OR4D2: variants seen among roughly 807,000 people sequenced by gnomAD.
The protein encoded by OR4D2 is olfactory receptor family 4 subfamily D member 2.
In OR4D2, 9 loss-of-function variants were observed where a neutral mutation model predicts 12.4. The ratio of observed to expected loss-of-function variants is 0.73; its 90% confidence interval spans 0.44 to 1.27. The LOEUF is 1.27. Ranked by LOEUF, OR4D2 falls within the 50% of genes most tolerant of loss-of-function variation. The pLI, the probability that OR4D2 is intolerant of heterozygous loss-of-function variation, is 0.00. For missense variants in OR4D2, 373 were observed against 381.6 expected, an observed-to-expected ratio of 0.98 and a Z score of 0.19; for synonymous variants, 151 against 151.1, an observed-to-expected ratio of 1.00 and a Z score of 0.01.
rs374829570 is a variant in OR4D2, at chr17:58,169,721, G to T, written c.66G>T (p.Glu22Asp). The T allele has an allele frequency of 1.9e-6, 3 of 1,613,986 alleles. No individual in the cohort carries two copies. The African/African-American group carries it at 4.0e-5, about 22-fold the overall frequency. ...TCCTGGGGCTCTCGCAGACTCGGGAGCTCCAGCGTTTCCTGTTTCTAATGT... is the reference window on the plus strand; with the variant it reads ...TCCTGGGGCTCTCGCAGACTCGGGATCTCCAGCGTTTCCTGTTTCTAATGT... ...FVFLGLSQTRELQRFLFLMFL... is the reference protein window; with the variant it reads ...FVFLGLSQTRDLQRFLFLMFL... Residue 22 changes from glutamate to aspartate, a missense_variant, in exon 2 of 2, where the codon GAG becomes GAT. Coordinates refer to ENST00000545221, the MANE Select transcript of OR4D2 (RefSeq NM_001004707.4).
chr17:58,169,750 T>C lies in OR4D2; in HGVS notation c.95T>C (p.Leu32Pro), dbSNP rs369228856. ...CAGCGTTTCCTGTTTCTAATGTTCCTGTTTGTCTACATCACCACTGTTATG... is the reference window on the plus strand; with the variant it reads ...CAGCGTTTCCTGTTTCTAATGTTCCCGTTTGTCTACATCACCACTGTTATG... ...ELQRFLFLMF[L>P]FVYITTVMGN... Residue 32 changes from leucine to proline, a missense_variant, in exon 2 of 2, where the codon CTG (leucine) becomes CCG (proline). Physicochemically the swap from Leu to Pro is moderately conservative, Grantham distance 98. Coordinates refer to ENST00000545221, the MANE Select transcript of OR4D2 (RefSeq NM_001004707.4). 19 of 1,613,996 alleles carry C rather than the reference T, an allele frequency of 1.2e-5. No individual in the cohort carries two copies. Among genetic ancestry groups the C allele is most frequent in the Non-Finnish European group, 1.4e-5 (16 of 1,179,960 alleles).
At chr17:58,169,114 G>A (rs1043533824) in intron 1 of OR4D2, among the ~76,000 whole-genome samples, 1 of 152,174 alleles carries the variant, frequency 6.6e-6, no homozygotes, top group Non-Finnish European at 1.5e-5. Context: ...AATTGGCAAA[G>A]AATCTTATTA....
Position 58,170,547 on chromosome 17 carries a change from G to A in OR4D2, c.892G>A (p.Val298Met), listed in dbSNP as rs150879874. 70 of 1,614,096 alleles carry A rather than the reference G, an allele frequency of 4.3e-5. No homozygotes were observed. Among genetic ancestry groups the A allele is most frequent in the Non-Finnish European group, 5.6e-5 (66 of 1,180,036 alleles). The part of the protein sequence containing the change: ...TLRNQDMQAA[V>M]RRLGRHRLV ...GAGGAACCAGGACATGCAGGCAGCA[G>A]TGAGAAGATTAGGGAGACACCGGCT... Residue 298 changes from valine to methionine, a missense_variant, in exon 2 of 2, where the codon GTG becomes ATG. By Grantham distance (21) the Val-to-Met change is conservative. Coordinates refer to ENST00000545221, the MANE Select transcript of OR4D2 (RefSeq NM_001004707.4).
chr17:58,169,808 T>C lies in OR4D2; in HGVS notation c.153T>C (p.Ser51=), dbSNP rs749683094. 1.9e-6 allele frequency: 3 copies of C among 1,614,202 alleles called. No homozygotes were observed. Among genetic ancestry groups the C allele is most frequent in the Non-Finnish European group, 2.5e-6 (3 of 1,180,032 alleles). Reference sequence around the variant, plus strand: ...TCCTTATCATCATCACAGTGACCTCTGATTCCCAGCTCCACACACCCATGT... The same window carrying C: ...TCCTTATCATCATCACAGTGACCTCCGATTCCCAGCTCCACACACCCATGT... ...GNILIIITVT[S]DSQLHTPMYF... Residue 51 remains serine, a synonymous_variant, in exon 2 of 2, where the codon TCT becomes TCC. Transcript: ENST00000545221.
chr17:58,170,145 C>T lies in OR4D2; in HGVS notation c.490C>T (p.Leu164Phe). 1 of 1,614,164 alleles carries T rather than the reference C, an allele frequency of 6.2e-7. No homozygotes were observed. Among genetic ancestry groups the T allele is most frequent in the Non-Finnish European group, 8.5e-7 (1 of 1,180,030 alleles). ...VHSIVQLALM[L>F]PLPFCGPNIL... The stretch of plus-strand genomic sequence containing the variant: ...CTCTATTGTCCAGCTGGCTCTGATG[C>T]TCCCACTGCCCTTCTGTGGCCCCAA... Residue 164 changes from leucine to phenylalanine, a missense_variant, in exon 2 of 2, where the codon CTC becomes TTC. By Grantham distance (22) the Leu-to-Phe change is conservative. Transcript: ENST00000545221.
Position 58,170,844 on chromosome 17 carries a change from TG to T in OR4D2, c.*267del. Reference sequence around the variant, plus strand: ...AACCACACCTTCCTTTTCACCTTCTTGGTGGACAGTTTCCTGTTGACAGCAT... The same window carrying T: ...AACCACACCTTCCTTTTCACCTTCTTGTGGACAGTTTCCTGTTGACAGCAT... On this transcript the variant is annotated 3_prime_UTR_variant, in exon 2 of 2. Coordinates refer to ENST00000545221, the MANE Select transcript of OR4D2 (RefSeq NM_001004707.4). 1 of 473,962 alleles carries T rather than the reference TG, an allele frequency of 2.1e-6. No individual in the cohort carries two copies. Among genetic ancestry groups the T allele is most frequent in the Non-Finnish European group, 3.8e-6 (1 of 260,668 alleles). 29.4% of individuals were successfully genotyped at this position (473,962 alleles called of 1,614,324 possible). A position where few individuals can be genotyped will look rare whatever the true frequency, so the allele number is the denominator to read the frequency against.
intron 1 of OR4D2, 95 bp downstream of exon 1, chr17:58,167,148 G>C (rs745913517): frequency 2.0e-5 from 3 of 152,236 alleles, no homozygotes; most frequent in Non-Finnish European, 4.4e-5. Context: ...CTGAGCAAGT[G>C]CTAAATCAGA....
chr17:58,168,161 C>A (rs1401087820), intron 1 of OR4D2, among the ~76,000 whole-genome samples: 1 of 150,658 alleles, frequency 6.6e-6, no homozygotes, highest in Non-Finnish European at 1.5e-5. Context: ...AGGGGGGAGA[C>A]CACTGACCCC....
Position 58,169,997 on chromosome 17 carries a change from CCT to C in OR4D2, c.346_347del (p.Val117AspfsTer4), listed in dbSNP as rs1392691162. On this transcript the variant is annotated frameshift_variant, in exon 2 of 2. Coordinates refer to ENST00000545221, the MANE Select transcript of OR4D2 (RefSeq NM_001004707.4). LOFTEE classifies it high-confidence loss of function. ...TTTTGGGAGGTGCCATGGTCTTCTTCCTCTCAGTGATGGCCTTTGACCGCCTC... is the reference window on the plus strand; with the variant it reads ...TTTTGGGAGGTGCCATGGTCTTCTTCCTCAGTGATGGCCTTTGACCGCCTC... ...HFLGGAMVFF[L>X]SVMAFDRLIA... 2 of 1,614,092 alleles carry C rather than the reference CCT, an allele frequency of 1.2e-6. No homozygotes were observed. Among genetic ancestry groups the C allele is most frequent in the Middle Eastern group, 1.6e-4 (1 of 6,062 alleles).
chr17:58,170,100 T>G lies in OR4D2; in HGVS notation c.445T>G (p.Trp149Gly), dbSNP rs150355864. 1 of 1,613,918 alleles carries G rather than the reference T, an allele frequency of 6.2e-7. No individual in the cohort carries two copies. The highest frequency in any genetic ancestry group is 1.7e-5 in the Admixed American group (1 of 60,004). The change falls in exon 2 of 2, where the codon TGG becomes GGG. Residue 149 changes from tryptophan (W) to glycine (G), a missense_variant. Physicochemically the swap from Trp to Gly is radical, Grantham distance 184. Transcript: ENST00000545221. ...CTGGGTGGGGCTGGTGGTAGCCACC[T>G]GGGTGGGAGGCTTTGTCCACTCTAT... ...QLWVGLVVAT[W>G]VGGFVHSIVQ...
chr17:58,169,891 C>T lies in OR4D2; in HGVS notation c.236C>T (p.Pro79Leu). Residue 79 changes from proline to leucine, a missense_variant, in exon 2 of 2, where the codon CCC becomes CTC. Coordinates refer to ENST00000545221, the MANE Select transcript of OR4D2 (RefSeq NM_001004707.4). ...LDLCFSSVTA[P>L]KMLVDLLSEK... The stretch of plus-strand genomic sequence containing the variant: ...CTCTGTTTCTCTTCAGTCACTGCTC[C>T]CAAAATGCTAGTGGACCTCCTCTCT... 3 of 1,614,132 alleles carry T rather than the reference C, an allele frequency of 1.9e-6. No individual in the cohort carries two copies. Among genetic ancestry groups the T allele is most frequent in the Non-Finnish European group, 2.5e-6 (3 of 1,180,012 alleles).
Position 58,169,774 on chromosome 17 carries a change from T to G in OR4D2, c.119T>G (p.Met40Arg). ...MFLFVYITTV[M>R]GNILIIITVT... is the part of the protein sequence containing the mutation. ...CTGTTTGTCTACATCACCACTGTTATGGGAAACATCCTTATCATCATCACA... is the reference window on the plus strand; with the variant it reads ...CTGTTTGTCTACATCACCACTGTTAGGGGAAACATCCTTATCATCATCACA... Residue 40 changes from methionine to arginine, a missense_variant, in exon 2 of 2, where the codon ATG becomes AGG. By Grantham distance (91) the Met-to-Arg change is moderately conservative (BLOSUM62 -1). Coordinates refer to ENST00000545221, the MANE Select transcript of OR4D2 (RefSeq NM_001004707.4). The G allele has an allele frequency of 6.2e-7, 1 of 1,614,148 alleles. No individual in the cohort carries two copies. The highest frequency in any genetic ancestry group is 8.5e-7 in the Non-Finnish European group (1 of 1,179,986).
chr17:58,170,614 G>A lies in OR4D2; in HGVS notation c.*35G>A, dbSNP rs772886610. The A allele has an allele frequency of 1.3e-6, 2 of 1,555,044 alleles. No individual in the cohort carries two copies. The highest frequency in any genetic ancestry group is 1.4e-5 in the African/African-American group (1 of 73,618). ...TGGTAGGTTTCTTCTCTTTGGCTTT[G>A]TTTTCCCTTTGTGAAGTGGAGAGGG... On this transcript the variant is annotated 3_prime_UTR_variant, in exon 2 of 2. Coordinates refer to ENST00000545221, the MANE Select transcript of OR4D2 (RefSeq NM_001004707.4).
chr17:58,168,168 C>T (rs1967913835), intron 1 of OR4D2, among the ~76,000 whole-genome samples: 1 of 150,874 alleles, frequency 6.6e-6, no homozygotes, highest in Non-Finnish European at 1.5e-5. Flanking sequence ...AGACCACTGA[C>T]CCCCTCCCCT....
intron 1 of OR4D2, among the ~76,000 whole-genome samples, chr17:58,167,987 G>A (rs529624384): frequency 1.6e-3 from 179 of 110,374 alleles, no homozygotes; most frequent in Middle Eastern, 8.1e-3. Flanking sequence ...GGGCGACAGC[G>A]AGACTCCGTC....
chr17:58,170,450 C>A lies in OR4D2; in HGVS notation c.795C>A (p.Phe265Leu). 1 of 1,614,200 alleles carries A rather than the reference C, an allele frequency of 6.2e-7. No homozygotes were observed. Among genetic ancestry groups the A allele is most frequent in the Non-Finnish European group, 8.5e-7 (1 of 1,180,016 alleles). Residue 265 changes from phenylalanine to leucine, a missense_variant, in exon 2 of 2, where the codon TTC (phenylalanine) becomes TTA (leucine). Transcript: ENST00000545221. ...IYLYARPFTP[F>L]PMDKLVSIGH... ...TCTATGCCCGGCCCTTCACTCCATTCCCTATGGACAAGCTTGTGTCCATCG... is the reference window on the plus strand; with the variant it reads ...TCTATGCCCGGCCCTTCACTCCATTACCTATGGACAAGCTTGTGTCCATCG...
chr17:58,167,446 T>C (rs1214675782), intron 1 of OR4D2, among the ~76,000 whole-genome samples: 1 of 152,202 alleles, frequency 6.6e-6, no homozygotes, highest in Non-Finnish European at 1.5e-5. Context: ...ACATGGAAGC[T>C]ATGAGTTCTT....
chr17:58,170,952 G>A lies in OR4D2; in HGVS notation c.*373G>A. 3.3e-6 allele frequency: 1 copy of A among 301,824 alleles called. No individual in the cohort carries two copies. Among genetic ancestry groups the A allele is most frequent in the Non-Finnish European group, 6.3e-6 (1 of 157,980 alleles). 18.7% of individuals were successfully genotyped at this position (301,824 alleles called of 1,614,324 possible). A position where few individuals can be genotyped will look rare whatever the true frequency, so the allele number is the denominator to read the frequency against. On this transcript the variant is annotated 3_prime_UTR_variant, in exon 2 of 2. Coordinates refer to ENST00000545221, the MANE Select transcript of OR4D2 (RefSeq NM_001004707.4). ...CTTTTGGTGTGAGTCTGGGTTGTTG[G>A]GAACAGCACAGAATTTGGAGTCTTA... is the stretch of plus-strand genomic sequence containing the variant.
intron 1 of OR4D2, chr17:58,169,380 T>C (rs1012797414): frequency 4.3e-6 from 2 of 468,294 alleles, no homozygotes; most frequent in African/African-American, 3.9e-5. Context: ...CAGATGTATC[T>C]GACTCCAAGT....
Sources: gnomAD v4.1 joint callset for allele counts (sites outside exome capture counted in the v4.1 genomes callset) on GRCh38, gnomAD v4.1.1 for gene constraint, MANE v1.5 for transcripts, NCBI Gene and HGNC (gene_info 2026-07-23, HGNC 2026-07-21) for gene names.